The following SAMD3 variants were observed in gnomAD, a reference collection of about 807,000 sequenced individuals.
SAMD3 encodes sterile alpha motif domain containing 3, also known as sterile alpha motif domain-containing protein 3.
In SAMD3, 63 loss-of-function variants were observed where a neutral mutation model predicts 58.5. That is an observed-to-expected ratio of 1.08 (90% confidence interval 0.88 to 1.33). The LOEUF (loss-of-function observed/expected upper bound fraction) is 1.33. Among genes scored for constraint, SAMD3 ranks in the 40% most tolerant of loss-of-function variants. SAMD3 has a pLI of 0.00. For synonymous variants in SAMD3, 220 were observed against 210.3 expected, an observed-to-expected ratio of 1.05 and a Z score of -0.40; for missense variants, 604 against 608.4, an observed-to-expected ratio of 0.99 and a Z score of 0.08.
At chr6:130,354,226 G>C (rs1403909518) in intron 1 of SAMD3, among the ~76,000 whole-genome samples, 1 of 152,152 alleles carries the variant, frequency 6.6e-6, no homozygotes, top group African/African-American at 2.4e-5. Context: ...ACTGTTGGTG[G>C]GAGTGTAAAT....
At chr6:130,154,569 T>C (rs1337846566) in intron 9 of SAMD3, among the ~76,000 whole-genome samples, 2 of 151,456 alleles carry the variant, frequency 1.3e-5, no homozygotes, top group Non-Finnish European at 2.9e-5. Flanking sequence ...TGGCACACAC[T>C]TGTAGTCCCA....
At chr6:130,245,141 C>G (rs1773497845) in intron 2 of SAMD3, among the ~76,000 whole-genome samples, 1 of 152,208 alleles carries the variant, frequency 6.6e-6, no homozygotes, top group Non-Finnish European at 1.5e-5. Context: ...ATTGGAACTA[C>G]AGCCACGGCA....
At chr6:130,301,025 T>A (rs756853638) in intron 2 of SAMD3, among the ~76,000 whole-genome samples, 1 of 152,144 alleles carries the variant, frequency 6.6e-6, no homozygotes, top group Admixed American at 6.5e-5. Flanking sequence ...TGTGTCCACG[T>A]GTTCTCACTG....
At chr6:130,157,072 A>AAAATAAATAAAT (rs140922244) in intron 8 of SAMD3, among the ~76,000 whole-genome samples, 2 of 143,478 alleles carry the variant, frequency 1.4e-5, no homozygotes, top group Admixed American at 1.4e-4. Flanking sequence ...TCCGTCTCAA[A>AAAATAAATAAAT]AAATAAATAA....
At chr6:130,220,378 G>A (rs1048858758) in intron 1 of SAMD3, among the ~76,000 whole-genome samples, 2 of 152,174 alleles carry the variant, frequency 1.3e-5, no homozygotes, top group African/African-American at 4.8e-5. Context: ...ATAGCAATGA[G>A]CCAGAGTCCC....
At chr6:130,278,223 T>G (rs1774852479) in intron 2 of SAMD3, among the ~76,000 whole-genome samples, 1 of 152,144 alleles carries the variant, frequency 6.6e-6, no homozygotes, top group East Asian at 1.9e-4. Context: ...CAGCTTCGAC[T>G]CCCTATGATT....
At chr6:130,240,670 G>T (rs1773324931) in intron 2 of SAMD3, among the ~76,000 whole-genome samples, 1 of 152,100 alleles carries the variant, frequency 6.6e-6, no homozygotes, top group Admixed American at 6.6e-5. Context: ...CTTCCCTTAT[G>T]AATGAATTAA....
intron 2 of SAMD3, among the ~76,000 whole-genome samples, chr6:130,273,141 C>A (rs1774627831): frequency 6.6e-6 from 1 of 151,598 alleles, no homozygotes; most frequent in Non-Finnish European, 1.5e-5. Flanking sequence ...TATTTTTGCT[C>A]ATTTCTCTTT....
intron 2 of SAMD3, among the ~76,000 whole-genome samples, chr6:130,242,986 GC>G (rs967322144): frequency 2.6e-5 from 4 of 152,112 alleles, no homozygotes; most frequent in African/African-American, 9.7e-5. Flanking sequence ...CTGCAATGCA[GC>G]CCCATGGTGC....
chr6:130,153,666 T>TG lies in SAMD3; in HGVS notation c.1023+1158_1023+1159insC, dbSNP rs58896049. Among the ~76,000 whole-genome samples, 6 of 91,154 alleles carry TG rather than the reference T, an allele frequency of 6.6e-5. No homozygotes were observed. In the East Asian group the frequency reaches 8.8e-4, roughly 13 times the overall value. 59.8% of individuals were successfully genotyped at this position (91,154 alleles called of 152,430 possible). On this transcript the variant is annotated intron_variant, in intron 9 of 11. Transcript: ENST00000439090. ...AAATTTCATATATATATATATATAT[T>TG]TATTTATTTATTTATTTTTTAAAAT...
intron 4 of SAMD3, among the ~76,000 whole-genome samples, chr6:130,210,233 C>A (rs1395711681): frequency 6.6e-6 from 1 of 152,124 alleles, no homozygotes; most frequent in Non-Finnish European, 1.5e-5. Flanking sequence ...ATTTCATATC[C>A]CCATCATTTG....
At chr6:130,255,824 C>T (rs1773909160) in intron 2 of SAMD3, among the ~76,000 whole-genome samples, 1 of 151,334 alleles carries the variant, frequency 6.6e-6, no homozygotes, top group Non-Finnish European at 1.5e-5. Context: ...TAAAGTTAGT[C>T]TCATGTCGGC....
chr6:130,338,068 A>G (rs1284807195), intron 1 of SAMD3, among the ~76,000 whole-genome samples: 1 of 152,136 alleles, frequency 6.6e-6, no homozygotes, highest in Admixed American at 6.5e-5. Flanking sequence ...GGAGGGAAAA[A>G]TGGTTTCATG....
chr6:130,249,397 A>G (rs1773665271), intron 2 of SAMD3, among the ~76,000 whole-genome samples: 1 of 152,138 alleles, frequency 6.6e-6, no homozygotes, highest in South Asian at 2.1e-4. Flanking sequence ...GGGAGCTTAG[A>G]AGGGAGAAGC....
At chr6:130,347,456 C>G (rs1373116435) in intron 1 of SAMD3, among the ~76,000 whole-genome samples, 1 of 152,172 alleles carries the variant, frequency 6.6e-6, no homozygotes, top group African/African-American at 2.4e-5. Flanking sequence ...CCAATTCAAT[C>G]AACTGGAAGA....
At chr6:130,196,670 A>G (rs1051735823) in intron 5 of SAMD3, among the ~76,000 whole-genome samples, 4 of 151,154 alleles carry the variant, frequency 2.6e-5, no homozygotes, top group Non-Finnish European at 4.4e-5. Context: ...CTATTCTACT[A>G]CTCCTCAGGG....
intron 8 of SAMD3, among the ~76,000 whole-genome samples, chr6:130,164,523 G>A (rs1474240455): frequency 1.3e-5 from 2 of 152,154 alleles, no homozygotes; most frequent in Admixed American, 1.3e-4. Context: ...ACAGGCACAG[G>A]AGAATCACAG....
chr6:130,363,409 T>C (rs1778041366), intron 1 of SAMD3, among the ~76,000 whole-genome samples: 1 of 152,240 alleles, frequency 6.6e-6, no homozygotes, highest in African/African-American at 2.4e-5. Flanking sequence ...ATCAGACTTT[T>C]ATAATACTAT....
chr6:130,365,092 A>C, intron 1 of SAMD3: 1 of 797,386 alleles, frequency 1.3e-6, no homozygotes, highest in Non-Finnish European at 1.5e-6. Flanking sequence ...AATATCCGGT[A>C]ATTAGTTTTA....
Sources: gnomAD v4.1 joint callset for allele counts (sites outside exome capture counted in the v4.1 genomes callset) on GRCh38, gnomAD v4.1.1 for gene constraint, MANE v1.5 for transcripts, NCBI Gene and HGNC (gene_info 2026-07-23, HGNC 2026-07-21) for gene names.